DYNC2H1: variants seen among roughly 807,000 people sequenced by gnomAD.
The protein encoded by DYNC2H1 is dynein cytoplasmic 2 heavy chain 1, also known as cytoplasmic dynein 2 heavy chain 1.
Under a neutral mutation model 570.0 loss-of-function variants are expected in DYNC2H1, and 410 were observed. The observed-to-expected ratio is 0.72, with a 90% CI of 0.66 to 0.78. The LOEUF is 0.78. DYNC2H1 is among the 30% of genes least tolerant of loss of function. DYNC2H1 has a pLI of 0.00. For missense variants in DYNC2H1, 4,865 were observed against 5,046.4 expected, an observed-to-expected ratio of 0.96 and a Z score of 1.09; for synonymous variants, 1,688 against 1,677.6, an observed-to-expected ratio of 1.01 and a Z score of -0.15.
chr11:103,211,436 G>A (rs1371455681), intron 53 of DYNC2H1, among the ~76,000 whole-genome samples: 2 of 151,982 alleles, frequency 1.3e-5, no homozygotes, highest in African/African-American at 4.8e-5. Flanking sequence ...TCAGCAGATT[G>A]TATTTAGCTC....
In DYNC2H1 at chr11:103,129,061, C is replaced by G; in HGVS notation, c.1953+56C>G. 1 of 1,438,698 alleles carries G rather than the reference C, an allele frequency of 7.0e-7. No homozygotes were observed. The highest frequency in any genetic ancestry group is 9.5e-7 in the Non-Finnish European group (1 of 1,051,040). The allele number at this position is 1,438,698 out of a possible 1,614,324, so 89.1% of individuals were successfully genotyped here. On this transcript the variant is annotated intron_variant, in intron 13 of 88. Coordinates refer to ENST00000375735, the MANE Select transcript of DYNC2H1 (RefSeq NM_001377.3). This position sits in a 1 kb window ranked among gnomAD's most constrained non-coding sequence, Gnocchi z 4.1. Reference sequence around the variant, plus strand: ...GATTTTACATGTGAAGTGTTTAATTCTTAATTTTCCGGTGTTCCCTTCAGC... The same window carrying G: ...GATTTTACATGTGAAGTGTTTAATTGTTAATTTTCCGGTGTTCCCTTCAGC...
intron 70 of DYNC2H1, among the ~76,000 whole-genome samples, chr11:103,263,578 C>T (rs1008259582): frequency 1.3e-5 from 2 of 152,136 alleles, no homozygotes; most frequent in African/African-American, 4.8e-5. Context: ...TGCACAACTA[C>T]ATGGAAACTG....
At chr11:103,282,523 A>G (rs765040101) in intron 72 of DYNC2H1, among the ~76,000 whole-genome samples, 50 of 152,102 alleles carry the variant, frequency 3.3e-4, no homozygotes, top group Non-Finnish European at 3.8e-4. Context: ...AGAAAATCAA[A>G]TCTTATAACT....
intron 19 of DYNC2H1, among the ~76,000 whole-genome samples, chr11:103,148,124 G>A (rs1860337581): frequency 6.6e-6 from 1 of 152,090 alleles, no homozygotes; most frequent in African/African-American, 2.4e-5. Context: ...AGATAATTCT[G>A]ATATAATGTA....
intron 88 of DYNC2H1, among the ~76,000 whole-genome samples, chr11:103,469,674 A>G (rs945037025): frequency 6.6e-6 from 1 of 152,098 alleles, no homozygotes; most frequent in Non-Finnish European, 1.5e-5. Context: ...AAAATTCCCT[A>G]TTTTTCCCCC....
intron 55 of DYNC2H1, 87 bp from the exon 56 acceptor site, chr11:103,219,827 GT>G: frequency 1.2e-6 from 1 of 808,342 alleles, no homozygotes; most frequent in Non-Finnish European, 1.9e-6. Context: ...AATAGAAAAT[GT>G]TATTTTGAAA....
chr11:103,153,538 T>A (rs1860671371), intron 22 of DYNC2H1, 30 bp downstream of exon 22: 1 of 1,513,240 alleles, frequency 6.6e-7, no homozygotes, highest in Non-Finnish European at 8.9e-7. Flanking sequence ...TTGATAGTGC[T>A]TATTTTGAAA....
intron 87 of DYNC2H1, among the ~76,000 whole-genome samples, chr11:103,458,557 C>A (rs1944877585): frequency 6.6e-6 from 1 of 152,004 alleles, no homozygotes. Flanking sequence ...TATAAAAAAT[C>A]TTGTCCTCAG....
chr11:103,453,428 A>G (rs1258343575), intron 85 of DYNC2H1, among the ~76,000 whole-genome samples: 1 of 151,844 alleles, frequency 6.6e-6, no homozygotes, highest in African/African-American at 2.4e-5. Flanking sequence ...TGCATGCTAA[A>G]ATAATCTTTG....
At chr11:103,188,259 A>G (rs921237330) in intron 43 of DYNC2H1, among the ~76,000 whole-genome samples, 2 of 152,040 alleles carry the variant, frequency 1.3e-5, no homozygotes, top group African/African-American at 4.8e-5. Flanking sequence ...AGTGTTTATT[A>G]GAGAGAAAAG....
chr11:103,126,106 G>A (rs1858983864), intron 12 of DYNC2H1, among the ~76,000 whole-genome samples: 1 of 152,030 alleles, frequency 6.6e-6, no homozygotes, highest in African/African-American at 2.4e-5. Context: ...ACAGTATCTT[G>A]TATATTTGGT....
intron 84 of DYNC2H1, among the ~76,000 whole-genome samples, chr11:103,412,909 G>A (rs1054382168): frequency 7.2e-5 from 11 of 151,760 alleles, no homozygotes; most frequent in Non-Finnish European, 4.4e-5. Context: ...CTCTACCATG[G>A]CCCTCTTTGT....
intron 29 of DYNC2H1, among the ~76,000 whole-genome samples, chr11:103,161,356 A>C (rs1272505778): frequency 6.6e-6 from 1 of 152,100 alleles, no homozygotes; most frequent in African/African-American, 2.4e-5. Context: ...TTGTTTTTCT[A>C]ATCAGTAAAA....
rs589623 is a variant in DYNC2H1 at position 103,211,861 on chromosome 11, G to A, written c.8612G>A (p.Arg2871Gln). ...SCKAYGATPS[R>Q]YMTFLHVYSA... Reference sequence around the variant, plus strand: ...AAAGCATATGGTGCTACACCAAGCCGATACATGACCTTTTTACATGTGTAT... The same window carrying A: ...AAAGCATATGGTGCTACACCAAGCCAATACATGACCTTTTTACATGTGTAT... Residue 2871 changes from arginine to glutamine, a missense_variant, in exon 54 of 89, where the codon CGA becomes CAA. Physicochemically the swap from Arg to Gln is conservative, Grantham distance 43. This residue lies in a region of DYNC2H1 where 2,401 missense variants were observed against 2,454.6 expected (regional missense o/e 0.98). Coordinates refer to ENST00000375735, the MANE Select transcript of DYNC2H1 (RefSeq NM_001377.3). 1,206,072 of 1,521,494 alleles carry A rather than the reference G, an allele frequency of 0.79. 480,082 individuals carry two copies. The highest frequency in any genetic ancestry group is 0.84 in the Admixed American group (41,153 of 48,816). 94.2% of individuals were successfully genotyped at this position (1,521,494 alleles called of 1,614,324 possible).
chr11:103,154,892 C>A, intron 24 of DYNC2H1, 83 bp downstream of exon 24: 2 of 984,388 alleles, frequency 2.0e-6, no homozygotes, highest in South Asian at 2.3e-5. Flanking sequence ...TATAATTTTA[C>A]TTTATATGTT....
In DYNC2H1 at chr11:103,184,434, G is replaced by A. The variant is rs1022153892; in HGVS notation, c.6478-462G>A. ...ATCAAAGCATCTACACAGCACTGAA[G>A]TCCAGAAGTTTCATTTAAAAATTCT... On this transcript the variant is annotated intron_variant, in intron 40 of 88. Coordinates refer to ENST00000375735, the MANE Select transcript of DYNC2H1 (RefSeq NM_001377.3). Among the ~76,000 whole-genome samples the A allele has an allele frequency of 2.0e-5, 3 of 151,910 alleles. No individual in the cohort carries two copies. In the South Asian group the frequency reaches 6.2e-4, roughly 31 times the overall value.
In DYNC2H1 at chr11:103,468,599, T is replaced by G; in HGVS notation, c.12659T>G (p.Leu4220Trp). ...EAKLQIKISG[L>W]LLEGCSFDGN... is the part of the protein sequence containing the mutation. Reference sequence around the variant, plus strand: ...TTGTTTCCATGGCAGATCAGTGGCTTGTTACTAGAAGGATGTAGTTTTGAT... The same window carrying G: ...TTGTTTCCATGGCAGATCAGTGGCTGGTTACTAGAAGGATGTAGTTTTGAT... Residue 4220 changes from leucine (L) to tryptophan (W), a missense_variant, in exon 88 of 89, where the codon TTG (leucine) becomes TGG (tryptophan). Leu to Trp is a moderately conservative substitution (Grantham distance 61). Transcript: ENST00000375735. 1 of 1,613,102 alleles carries G rather than the reference T, an allele frequency of 6.2e-7. No individual in the cohort carries two copies. The highest frequency in any genetic ancestry group is 1.1e-5 in the South Asian group (1 of 90,944).
rs137890130 is a variant in DYNC2H1, at chr11:103,465,213, A to T, written c.12649-3376A>T. On this transcript the variant is annotated intron_variant, in intron 87 of 88. Transcript: ENST00000375735. The surrounding 1 kb of genome is among the most constrained non-coding windows in gnomAD (Gnocchi z 4.9). Reference sequence around the variant, plus strand: ...CTATTGTAAACATATTAATCCTACCAATTAAGAGAGATTATCAGACTGGGG... The same window carrying T: ...CTATTGTAAACATATTAATCCTACCTATTAAGAGAGATTATCAGACTGGGG... 2.3e-3 allele frequency among the ~76,000 whole-genome samples: 346 copies of T among 152,304 alleles called. 2 individuals are homozygous for T. Among genetic ancestry groups the T allele is most frequent in the Middle Eastern group, 0.017 (5 of 294 alleles).
At chr11:103,422,525 T>A (rs958365388) in intron 84 of DYNC2H1, among the ~76,000 whole-genome samples, 1 of 151,654 alleles carries the variant, frequency 6.6e-6, no homozygotes, top group Non-Finnish European at 1.5e-5. Flanking sequence ...GGATGCAAGG[T>A]TTGTTCAACA....
Sources: allele counts gnomAD v4.1 joint callset (sites outside exome capture counted in the v4.1 genomes callset), GRCh38; gene constraint gnomAD v4.1.1; regional missense constraint gnomAD v4.1.1; non-coding constraint Gnocchi (gnomAD v3.1); transcripts MANE v1.5; gene names NCBI Gene and HGNC (gene_info 2026-07-23, HGNC 2026-07-21).